Variants in CAPN7 observed in about 807,000 individuals in gnomAD.
The protein encoded by CAPN7 is calpain 7, also known as calpain-7.
In CAPN7, 72 loss-of-function variants were observed where a neutral mutation model predicts 115.2. The observed-to-expected ratio is 0.63, with a 90% CI of 0.52 to 0.76. CAPN7 has a LOEUF of 0.76. CAPN7 is among the 30% of genes least tolerant of loss of function. The pLI, the probability that CAPN7 is intolerant of heterozygous loss-of-function variation, is 0.00. For synonymous variants in CAPN7, 344 were observed against 322.3 expected (o/e 1.07, Z -0.72); for missense variants, 905 against 971.5 (o/e 0.93, Z 0.91).
chr3:15,230,211 T>C (rs1033896948), intron 8 of CAPN7, among the ~76,000 whole-genome samples: 28 of 152,152 alleles, frequency 1.8e-4, no homozygotes, highest in African/African-American at 6.3e-4. Flanking sequence ...CTTTTCAGAG[T>C]ATTTTGAAAT....
At chr3:15,212,792 G>T (rs1368414441) in intron 2 of CAPN7, among the ~76,000 whole-genome samples, 1 of 152,170 alleles carries the variant, frequency 6.6e-6, no homozygotes, top group East Asian at 1.9e-4. Flanking sequence ...GGTAACTGAT[G>T]TTGACATTGT....
intron 19 of CAPN7, 98 bp from the exon 20 acceptor site, chr3:15,250,833 A>C (rs1338056826): frequency 3.6e-6 from 3 of 823,054 alleles, no homozygotes; most frequent in Non-Finnish European, 6.0e-6. Flanking sequence ...CTTCAGAAAC[A>C]TAAACTTAGT....
intron 6 of CAPN7, among the ~76,000 whole-genome samples, chr3:15,223,946 TTTATGAGAGAA>T (rs1694150449): frequency 1.3e-5 from 2 of 152,198 alleles, no homozygotes; most frequent in Non-Finnish European, 2.9e-5. Context: ...GCAAGGACTA[TTTATGAGAGAA>T]TTAGTTAGCA....
chr3:15,234,912 G>A (rs979679123), intron 11 of CAPN7, 113 bp from the exon 12 acceptor site: 3 of 737,494 alleles, frequency 4.1e-6, no homozygotes, highest in Admixed American at 3.2e-5. Context: ...AAATTCTTCA[G>A]GGGTAGGAAC....
intron 7 of CAPN7, 135 bp downstream of exon 7, chr3:15,228,100 A>C (rs1047570207): frequency 1.7e-5 from 9 of 519,794 alleles, no homozygotes; most frequent in Non-Finnish European, 2.5e-5. Flanking sequence ...TGTTCATTCT[A>C]CACATTTTGA....
intron 12 of CAPN7, among the ~76,000 whole-genome samples, chr3:15,236,796 C>T (rs1695018729): frequency 6.6e-6 from 1 of 152,046 alleles, no homozygotes; most frequent in African/African-American, 2.4e-5. Context: ...AGTAAAAATA[C>T]AGTATAAAAG....
At chr3:15,223,901 A>G (rs1694147464) in intron 6 of CAPN7, among the ~76,000 whole-genome samples, 1 of 152,202 alleles carries the variant, frequency 6.6e-6, no homozygotes, top group South Asian at 2.1e-4. Flanking sequence ...AGGGGAATGG[A>G]ATGATGTCAT....
At chr3:15,222,159 A>AC (rs1222151215) in intron 5 of CAPN7, among the ~76,000 whole-genome samples, 1 of 151,828 alleles carries the variant, frequency 6.6e-6, no homozygotes, top group Admixed American at 6.6e-5. Flanking sequence ...ACATTTGCCG[A>AC]CCCCCTGTCT....
chr3:15,214,789 C>A (rs1221292071), intron 2 of CAPN7, among the ~76,000 whole-genome samples: 3 of 152,236 alleles, frequency 2.0e-5, no homozygotes, highest in Non-Finnish European at 4.4e-5. Context: ...CCTGTTGAGT[C>A]TCTACCCTTT....
At chr3:15,226,049 T>C in intron 6 of CAPN7, among the ~76,000 whole-genome samples, 1 of 152,198 alleles carries the variant, frequency 6.6e-6, no homozygotes, top group Non-Finnish European at 1.5e-5. Flanking sequence ...ATAAGCATTA[T>C]TGAATAAATA....
At chr3:15,234,079 G>A (rs955307360) in intron 11 of CAPN7, 106 bp downstream of exon 11, 2 of 584,654 alleles carry the variant, frequency 3.4e-6, no homozygotes, top group African/African-American at 1.9e-5. Flanking sequence ...ACTATGGGAG[G>A]CCAAGGCAGG....
At chr3:15,249,146 T>G (rs1222310235) in intron 19 of CAPN7, among the ~76,000 whole-genome samples, 1 of 152,180 alleles carries the variant, frequency 6.6e-6, no homozygotes, top group Non-Finnish European at 1.5e-5. Context: ...AAGATTTGAT[T>G]AAACTATTTT....
intron 1 of CAPN7, among the ~76,000 whole-genome samples, chr3:15,209,105 G>T (rs965779047): frequency 2.0e-5 from 3 of 151,932 alleles, no homozygotes; most frequent in African/African-American, 7.3e-5. Flanking sequence ...CCACCTCGTG[G>T]GTTCAAGTGA....
In CAPN7 at chr3:15,241,593, TG is replaced by T; in HGVS notation, c.1788+6del. On this transcript the variant is annotated splice_donor_region_variant and intron_variant, in intron 15 of 20. Transcript: ENST00000253693. ...AGTAGACACATAACAGACAAGGTACTGATACCCTTCTAATGATATCCCATAC... is the reference window on the plus strand; with the variant it reads ...AGTAGACACATAACAGACAAGGTACTATACCCTTCTAATGATATCCCATAC... 1 of 1,612,156 alleles carries T rather than the reference TG, an allele frequency of 6.2e-7. No individual in the cohort carries two copies. The highest frequency in any genetic ancestry group is 8.5e-7 in the Non-Finnish European group (1 of 1,179,104).
chr3:15,243,518 G>T (rs1315491906), intron 16 of CAPN7, among the ~76,000 whole-genome samples: 2 of 152,118 alleles, frequency 1.3e-5, no homozygotes, highest in Non-Finnish European at 2.9e-5. Flanking sequence ...TTAACACCCA[G>T]GATCTGACCC....
chr3:15,244,561 T>C (rs910424551), intron 16 of CAPN7, among the ~76,000 whole-genome samples: 2 of 152,214 alleles, frequency 1.3e-5, no homozygotes, highest in African/African-American at 4.8e-5. Flanking sequence ...TAGAGACTTA[T>C]GATTTGTTTG....
Position 15,228,960 on chromosome 3 carries a change from A to AGG in CAPN7, c.853-14_853-13insGG. The AGG allele has an allele frequency of 6.3e-7, 1 of 1,586,438 alleles. No homozygotes were observed. Among genetic ancestry groups the AGG allele is most frequent in the South Asian group, 1.1e-5 (1 of 89,510 alleles). On this transcript the variant is annotated splice_polypyrimidine_tract_variant and intron_variant, in intron 7 of 20. Transcript: ENST00000253693. ...GTGAATGAATATGAATATGTTAATT[A>AGG]TTCTTATTAACAGACAATAGTATCG...
In CAPN7 at chr3:15,206,398, C is replaced by T; in HGVS notation, c.-98C>T. ...GTAAACTTTGCCGCTCCTTCCGCGGCGCTCCCGAGTCCTCGCCGCCGCCGG... is the reference window on the plus strand; with the variant it reads ...GTAAACTTTGCCGCTCCTTCCGCGGTGCTCCCGAGTCCTCGCCGCCGCCGG... On this transcript the variant is annotated 5_prime_UTR_variant, in exon 1 of 21. Transcript: ENST00000253693. 1.2e-6 allele frequency: 1 copy of T among 836,288 alleles called. No individual in the cohort carries two copies. The highest frequency in any genetic ancestry group is 1.6e-5 in the South Asian group (1 of 60,894). 51.8% of individuals were successfully genotyped at this position (836,288 alleles called of 1,614,324 possible). A position where few individuals can be genotyped will look rare whatever the true frequency, so the allele number is the denominator to read the frequency against.
rs1575140848 is a variant in CAPN7, at chr3:15,206,370, A to G, written c.-126A>G. Reference sequence around the variant, plus strand: ...GAAGGCGAGCTCTCCTCCACCGTCCAAAGTAAACTTTGCCGCTCCTTCCGC... The same window carrying G: ...GAAGGCGAGCTCTCCTCCACCGTCCGAAGTAAACTTTGCCGCTCCTTCCGC... On this transcript the variant is annotated 5_prime_UTR_variant, in exon 1 of 21. Transcript: ENST00000253693. 2.9e-6 allele frequency: 2 copies of G among 678,794 alleles called. No individual in the cohort carries two copies. Among genetic ancestry groups the G allele is most frequent in the East Asian group, 3.0e-5 (1 of 32,936 alleles). 42.0% of individuals were successfully genotyped at this position (678,794 alleles called of 1,614,324 possible).
Sources: gnomAD v4.1 joint callset for allele counts (sites outside exome capture counted in the v4.1 genomes callset) on GRCh38, gnomAD v4.1.1 for gene constraint, MANE v1.5 for transcripts, NCBI Gene and HGNC (gene_info 2026-07-23, HGNC 2026-07-21) for gene names.